The following ROBO2 variants were observed in gnomAD, a reference collection of about 807,000 sequenced individuals.
The protein encoded by ROBO2 is roundabout guidance receptor 2.
A neutral mutation model predicts 160.8 loss-of-function variants in ROBO2; 53 were observed. That is an observed-to-expected ratio of 0.33 (90% CI 0.26 to 0.41). The LOEUF is 0.41. Ranked by LOEUF, ROBO2 falls within the 10% of genes least tolerant of loss-of-function variation. ROBO2 has a pLI of 1.00. For missense variants in ROBO2, 1,577 were observed against 1,722.4 expected, an observed-to-expected ratio of 0.92 and a Z score of 1.49; for synonymous variants, 664 against 611.7, an observed-to-expected ratio of 1.09 and a Z score of -1.26.
intron 2 of ROBO2, among the ~76,000 whole-genome samples, chr3:76,092,175 C>T (rs2069262376): frequency 6.6e-6 from 1 of 152,020 alleles, no homozygotes; most frequent in African/African-American, 2.4e-5. Context: ...TGTGTGGGGA[C>T]AAAAAGTTTA....
chr3:76,435,424 G>C, intron 2 of ROBO2: 1 of 776,260 alleles, frequency 1.3e-6, no homozygotes, highest in Non-Finnish European at 2.4e-6. Flanking sequence ...GAAATTGCTG[G>C]ATAGGCAAAG....
intron 2 of ROBO2, among the ~76,000 whole-genome samples, chr3:77,146,754 A>G (rs562788995): frequency 6.6e-6 from 1 of 152,212 alleles, no homozygotes; most frequent in East Asian, 1.9e-4. Flanking sequence ...GATCACTGAG[A>G]TGAGGAGTTC....
chr3:76,383,096 A>G (rs2076715889), intron 2 of ROBO2, among the ~76,000 whole-genome samples: 1 of 152,202 alleles, frequency 6.6e-6, no homozygotes, highest in Non-Finnish European at 1.5e-5. Flanking sequence ...AGATGTGGGA[A>G]GCATGCGATG....
chr3:76,396,806 G>T (rs1029914645), intron 2 of ROBO2, among the ~76,000 whole-genome samples: 1 of 152,062 alleles, frequency 6.6e-6, no homozygotes. Context: ...ACAAACCACT[G>T]CTCAATGAAA....
chr3:76,518,188 A>C (rs1003674575), intron 2 of ROBO2, among the ~76,000 whole-genome samples: 14 of 152,188 alleles, frequency 9.2e-5, no homozygotes, highest in African/African-American at 3.1e-4. Context: ...TTGAGAAGGC[A>C]GTCCACAAGA....
chr3:76,250,750 G>C (rs912252624), intron 2 of ROBO2, among the ~76,000 whole-genome samples: 9 of 151,854 alleles, frequency 5.9e-5, no homozygotes, highest in Admixed American at 2.6e-4. Context: ...AATGGAGAAA[G>C]GTTTTTAAAA....
chr3:76,269,194 T>C (rs1404332878), intron 2 of ROBO2, among the ~76,000 whole-genome samples: 1 of 152,098 alleles, frequency 6.6e-6, no homozygotes, highest in Non-Finnish European at 1.5e-5. Context: ...AAGGTAATGG[T>C]AATTGCTTGT....
At chr3:76,413,583 G>A (rs948459321) in intron 2 of ROBO2, among the ~76,000 whole-genome samples, 1 of 152,116 alleles carries the variant, frequency 6.6e-6, no homozygotes, top group African/African-American at 2.4e-5. Context: ...GGGGCAAAAT[G>A]CCTCCTGTCT....
chr3:77,461,649 A>G (rs1468743321), intron 2 of ROBO2, among the ~76,000 whole-genome samples: 1 of 151,694 alleles, frequency 6.6e-6, no homozygotes, highest in African/African-American at 2.4e-5. Flanking sequence ...TTTAAAAAAA[A>G]TTTTCTTTAA....
chr3:77,126,521 A>G (rs942257717), intron 2 of ROBO2, among the ~76,000 whole-genome samples: 6 of 152,066 alleles, frequency 3.9e-5, no homozygotes, highest in Non-Finnish European at 8.8e-5. Flanking sequence ...CATCAAATAT[A>G]TATCGGCTTA....
At chr3:77,317,932 G>T (rs1390962050) in intron 2 of ROBO2, among the ~76,000 whole-genome samples, 1 of 150,920 alleles carries the variant, frequency 6.6e-6, no homozygotes, top group Non-Finnish European at 1.5e-5. Flanking sequence ...GGGGGCTGCG[G>T]CGCCAAGGCA....
At chr3:75,989,327 A>T (rs978335079) in intron 2 of ROBO2, among the ~76,000 whole-genome samples, 1 of 152,068 alleles carries the variant, frequency 6.6e-6, no homozygotes, top group Non-Finnish European at 1.5e-5. Flanking sequence ...CGTGTTGGCC[A>T]GGCTGGTCTC....
At chr3:77,257,841 T>G (rs1467303741) in intron 2 of ROBO2, among the ~76,000 whole-genome samples, 1 of 152,210 alleles carries the variant, frequency 6.6e-6, no homozygotes, top group African/African-American at 2.4e-5. Context: ...CAGCAATACA[T>G]ACTGAGAAAA....
intron 2 of ROBO2, among the ~76,000 whole-genome samples, chr3:76,405,943 C>A (rs1290104653): frequency 1.3e-5 from 2 of 151,554 alleles, no homozygotes; most frequent in African/African-American, 4.8e-5. Context: ...ATAATTATGT[C>A]TTGTCTTTTC....
rs564810562 is a variant in ROBO2 at position 76,435,928 on chromosome 3, AAGGCTG to A, written c.109+498332_109+498337del. Among the ~76,000 whole-genome samples the A allele has an allele frequency of 2.4e-3, 361 of 152,252 alleles. 1 individual carries two copies. The highest frequency in any genetic ancestry group is 8.3e-3 in the African/African-American group (344 of 41,562). On this transcript the variant is annotated intron_variant, in intron 2 of 26. Coordinates refer to the ROBO2 transcript ENST00000487694. ...GCGAGGCAGGGGTTGCACTGGACCA[AAGGCTG>A]AGGCTTGGCCATCTAGCATTCCATG...
At chr3:76,426,226 T>C (rs116265251) in intron 2 of ROBO2, among the ~76,000 whole-genome samples, 199 of 152,304 alleles carry the variant, frequency 1.3e-3, no homozygotes, top group African/African-American at 4.7e-3. Context: ...AGTATTTGAC[T>C]AGTACCACTT....
intron 2 of ROBO2, among the ~76,000 whole-genome samples, chr3:77,295,101 G>T (rs984394063): frequency 6.6e-6 from 1 of 151,026 alleles, no homozygotes; most frequent in Non-Finnish European, 1.5e-5. Flanking sequence ...AAATTTGACG[G>T]TTAAAAAGGT....
intron 1 of ROBO2, among the ~76,000 whole-genome samples, chr3:77,095,486 C>T (rs1162906513): frequency 6.6e-6 from 1 of 152,080 alleles, no homozygotes; most frequent in Non-Finnish European, 1.5e-5. Context: ...TAGTAAATAG[C>T]ACCCTAGTAG....
chr3:76,119,961 CCTTCCTTCCTTCCTCT>C (rs1325705858), intron 2 of ROBO2, among the ~76,000 whole-genome samples: 10 of 136,366 alleles, frequency 7.3e-5, no homozygotes, highest in East Asian at 2.5e-4. Flanking sequence ...TTCCTTCCTT[CCTTCCTTCCTTCCTCT>C]CTCTTTCTTT....
Sources: gnomAD v4.1 joint callset for allele counts (sites outside exome capture counted in the v4.1 genomes callset) on GRCh38, gnomAD v4.1.1 for gene constraint, MANE v1.5 for transcripts, NCBI Gene and HGNC (gene_info 2026-07-23, HGNC 2026-07-21) for gene names.